Variants in EPB41L4B observed in about 807,000 individuals in gnomAD.
EPB41L4B encodes the protein band 4.1-like protein 4B.
EPB41L4B carries 30 observed loss-of-function variants against 112.5 expected under a neutral mutation model. The ratio of observed to expected loss-of-function variants is 0.27; its 90% CI spans 0.20 to 0.36. EPB41L4B has a LOEUF of 0.36. EPB41L4B is among the 10% of genes least tolerant of loss of function. The pLI, the probability that EPB41L4B is intolerant of heterozygous loss-of-function variation, is 1.00. For missense variants in EPB41L4B, 1,024 were observed against 1,133.3 expected, an observed-to-expected ratio of 0.90 and a Z score of 1.38; for synonymous variants, 408 against 439.7, an observed-to-expected ratio of 0.93 and a Z score of 0.90.
intron 22 of EPB41L4B, among the ~76,000 whole-genome samples, chr9:109,191,052 G>T (rs1415770700): frequency 6.6e-6 from 1 of 152,180 alleles, no homozygotes; most frequent in Non-Finnish European, 1.5e-5. Context: ...GCTGCTGCTT[G>T]CATTTCTGAT....
At chr9:109,244,829 T>G (rs558563565) in intron 14 of EPB41L4B, among the ~76,000 whole-genome samples, 1 of 152,318 alleles carries the variant, frequency 6.6e-6, no homozygotes, top group South Asian at 2.1e-4. Flanking sequence ...GTCTTGCCAC[T>G]GTTACTCTTT....
At chr9:109,271,623 C>T (rs1394699506) in intron 2 of EPB41L4B, among the ~76,000 whole-genome samples, 1 of 152,204 alleles carries the variant, frequency 6.6e-6, no homozygotes, top group Admixed American at 6.5e-5. Flanking sequence ...ATCCTACGCT[C>T]GGCTTTGAGG....
At chr9:109,216,364 G>A (rs560894861) in intron 16 of EPB41L4B, among the ~76,000 whole-genome samples, 1 of 152,260 alleles carries the variant, frequency 6.6e-6, no homozygotes, top group South Asian at 2.1e-4. Flanking sequence ...TTCTTGACCG[G>A]GCATGGTGGC....
chr9:109,233,663 TG>T (rs1415076272), intron 15 of EPB41L4B, among the ~76,000 whole-genome samples: 2 of 152,012 alleles, frequency 1.3e-5, no homozygotes, highest in Admixed American at 6.6e-5. Context: ...CCTGAGTAGC[TG>T]GGGTTACAGG....
intron 15 of EPB41L4B, among the ~76,000 whole-genome samples, chr9:109,227,181 C>T (rs1486241791): frequency 6.6e-6 from 1 of 152,114 alleles, no homozygotes; most frequent in East Asian, 1.9e-4. Context: ...CTATATCAGA[C>T]TGTCTTAATT....
At chr9:109,266,617 C>A (rs796446708) in intron 4 of EPB41L4B, among the ~76,000 whole-genome samples, 97 of 152,206 alleles carry the variant, frequency 6.4e-4, no homozygotes, top group African/African-American at 2.3e-3. Context: ...CTCAAATTTT[C>A]TTTTTCTTCT....
At chr9:109,224,437 C>A (rs1471402085) in intron 15 of EPB41L4B, among the ~76,000 whole-genome samples, 1 of 152,162 alleles carries the variant, frequency 6.6e-6, no homozygotes, top group Middle Eastern at 3.4e-3. Flanking sequence ...AGAAGCCAGA[C>A]ACAAAAAGGA....
rs746279877 is a variant in EPB41L4B at position 109,185,528 on chromosome 9, G to A, written c.2379C>T (p.Thr793=). ...TTGGAGGGTACATGCAAACTCCAGTGGTCTCTTCCTTCATGGGGAGAGAGA... is the reference window on the plus strand; with the variant it reads ...TTGGAGGGTACATGCAAACTCCAGTAGTCTCTTCCTTCATGGGGAGAGAGA... ...PPLSLPMKEE[T]TGVCMYPPIK... The change falls in exon 23 of 26, where the codon ACC becomes ACT. Residue 793 remains threonine (T), a synonymous_variant. Coordinates refer to ENST00000374566, the MANE Select transcript of EPB41L4B (RefSeq NM_019114.5). The A allele has an allele frequency of 6.2e-7, 1 of 1,613,660 alleles. No individual in the cohort carries two copies. The highest frequency in any genetic ancestry group is 1.1e-5 in the South Asian group (1 of 91,058).
chr9:109,278,194 C>T (rs1034619265), intron 2 of EPB41L4B, among the ~76,000 whole-genome samples: 5 of 152,026 alleles, frequency 3.3e-5, no homozygotes, highest in East Asian at 1.9e-4. Context: ...GTCCGGTGGA[C>T]GGAGTGAGAG....
At chr9:109,287,181 T>G (rs1836320889) in intron 1 of EPB41L4B, among the ~76,000 whole-genome samples, 1 of 152,242 alleles carries the variant, frequency 6.6e-6, no homozygotes, top group Non-Finnish European at 1.5e-5. Context: ...TTGGGATATC[T>G]TTGCTGGCCA....
At chr9:109,309,033 G>T (rs1025122780) in intron 1 of EPB41L4B, among the ~76,000 whole-genome samples, 1 of 151,970 alleles carries the variant, frequency 6.6e-6, no homozygotes, top group East Asian at 1.9e-4. Context: ...CCAAGATCAC[G>T]CACTGCACTC....
intron 15 of EPB41L4B, among the ~76,000 whole-genome samples, chr9:109,238,987 G>A (rs983295408): frequency 6.6e-6 from 1 of 152,204 alleles, no homozygotes; most frequent in East Asian, 1.9e-4. Context: ...CCACTGAGAG[G>A]CCCTTGGACT....
chr9:109,315,551 G>A (rs759880629), intron 1 of EPB41L4B, among the ~76,000 whole-genome samples: 4 of 152,060 alleles, frequency 2.6e-5, no homozygotes, highest in African/African-American at 4.8e-5. Context: ...CTGACCCTAC[G>A]CTTGACACCT....
intron 2 of EPB41L4B, among the ~76,000 whole-genome samples, chr9:109,278,406 C>T (rs536970086): frequency 3.0e-4 from 45 of 152,256 alleles, no homozygotes; most frequent in African/African-American, 6.0e-4. Context: ...GATGCATTCC[C>T]GTCCAGATTC....
chr9:109,179,230 C>G (rs934104532), intron 24 of EPB41L4B, among the ~76,000 whole-genome samples: 3 of 152,212 alleles, frequency 2.0e-5, no homozygotes, highest in Admixed American at 1.3e-4. Context: ...TGGGATCAAG[C>G]AAGAGCCCAG....
intron 1 of EPB41L4B, among the ~76,000 whole-genome samples, chr9:109,281,609 G>A (rs1214545330): frequency 6.6e-6 from 1 of 152,102 alleles, no homozygotes; most frequent in South Asian, 2.1e-4. Flanking sequence ...GGCTGAGGTC[G>A]GGGAGGTGGA....
At chr9:109,275,095 A>G (rs1403519354) in intron 2 of EPB41L4B, among the ~76,000 whole-genome samples, 1 of 152,208 alleles carries the variant, frequency 6.6e-6, no homozygotes, top group Non-Finnish European at 1.5e-5. Context: ...TGGAAAAGGG[A>G]AACAGGAGGT....
chr9:109,188,920 T>C (rs1269315682), intron 22 of EPB41L4B, among the ~76,000 whole-genome samples: 3 of 152,208 alleles, frequency 2.0e-5, no homozygotes, highest in Non-Finnish European at 2.9e-5. Context: ...TCATGGTCTG[T>C]GTTACCTGGG....
chr9:109,213,649 T>C (rs1564269836), intron 17 of EPB41L4B, 51 bp downstream of exon 17: 3 of 1,496,466 alleles, frequency 2.0e-6, no homozygotes, highest in Non-Finnish European at 2.8e-6. Context: ...AATCAGAGGT[T>C]TGATGTCAGC....
Sources: gnomAD v4.1 joint callset for allele counts (sites outside exome capture counted in the v4.1 genomes callset) on GRCh38, gnomAD v4.1.1 for gene constraint, MANE v1.5 for transcripts, NCBI Gene and HGNC (gene_info 2026-07-23, HGNC 2026-07-21) for gene names.